Variants in AJAP1 observed in about 807,000 individuals in gnomAD.
AJAP1 encodes adherens junction-associated protein 1.
In AJAP1, 5 loss-of-function variants were observed where a neutral mutation model predicts 35.0. The observed-to-expected ratio is 0.14, with a 90% CI of 0.07 to 0.30. The LOEUF (loss-of-function observed/expected upper bound fraction) is 0.30. Among genes scored for constraint, AJAP1 ranks in the 10% least tolerant of loss-of-function variants. AJAP1 has a pLI of 1.00. For synonymous variants in AJAP1, 284 were observed against 249.3 expected, an observed-to-expected ratio of 1.14 and a Z score of -1.31; for missense variants, 586 against 571.0, an observed-to-expected ratio of 1.03 and a Z score of -0.27.
chr1:4,659,311 G>A (rs1638950371), intron 1 of AJAP1, among the ~76,000 whole-genome samples: 1 of 152,190 alleles, frequency 6.6e-6, no homozygotes, highest in African/African-American at 2.4e-5. Context: ...TTTTACATTT[G>A]AAGTCTGGCT....
At chr1:4,703,033 G>A (rs1254646261) in intron 1 of AJAP1, among the ~76,000 whole-genome samples, 1 of 152,172 alleles carries the variant, frequency 6.6e-6, no homozygotes, top group African/African-American at 2.4e-5. Context: ...CGTGAGTCAA[G>A]TATCGCATGC....
At chr1:4,741,343 G>A (rs1203346707) in intron 2 of AJAP1, among the ~76,000 whole-genome samples, 1 of 152,144 alleles carries the variant, frequency 6.6e-6, no homozygotes, top group Admixed American at 6.5e-5. Context: ...CCCTCTGGAG[G>A]TTCCAGGGGA....
chr1:4,774,107 C>T (rs1208308178), intron 4 of AJAP1, among the ~76,000 whole-genome samples: 1 of 152,254 alleles, frequency 6.6e-6, no homozygotes, highest in African/African-American at 2.4e-5. Context: ...AGACCCCAGG[C>T]TCTGGGCTAA....
chr1:4,781,321 A>T (rs1362560213), intron 5 of AJAP1, among the ~76,000 whole-genome samples: 2 of 152,158 alleles, frequency 1.3e-5, no homozygotes, highest in East Asian at 3.9e-4. Context: ...TGGACCCAGG[A>T]CTGGCAGTCA....
chr1:4,658,326 A>G (rs1027468709), intron 1 of AJAP1, among the ~76,000 whole-genome samples: 1 of 151,958 alleles, frequency 6.6e-6, no homozygotes, highest in Non-Finnish European at 1.5e-5. Context: ...GACATAATTC[A>G]CAGTTCCCCA....
At chr1:4,705,216 C>G (rs1312902776) in intron 1 of AJAP1, among the ~76,000 whole-genome samples, 13 of 151,926 alleles carry the variant, frequency 8.6e-5, no homozygotes, top group Non-Finnish European at 1.5e-5. Context: ...CCCTTCCTTA[C>G]ACCTTATACA....
chr1:4,772,344 A>G lies in AJAP1; in HGVS notation c.982A>G (p.Ser328Gly). 2.5e-6 allele frequency: 4 copies of G among 1,614,164 alleles called. No homozygotes were observed. The highest frequency in any genetic ancestry group is 3.4e-6 in the Non-Finnish European group (4 of 1,180,026). ...GCGGAAGACCAACCAGCAGGAGGAG[A>G]GCTGCCAGAACCTCACGGACTTCCC... ...HQRKTNQQEE[S>G]CQNLTDFPSA... The change falls in exon 4 of 6, where the codon AGC (serine) becomes GGC (glycine). Residue 328 changes from serine to glycine, a missense_variant. Ser to Gly is a moderately conservative substitution (Grantham distance 56). Transcript: ENST00000378191.
chr1:4,766,391 G>T (rs75900268), intron 2 of AJAP1, among the ~76,000 whole-genome samples: 96 of 152,316 alleles, frequency 6.3e-4, no homozygotes, highest in African/African-American at 2.3e-3. Context: ...AAATGATGGG[G>T]CGGATGCTGT....
chr1:4,767,843 T>C (rs1641723327), intron 2 of AJAP1, among the ~76,000 whole-genome samples: 1 of 151,494 alleles, frequency 6.6e-6, no homozygotes, highest in Non-Finnish European at 1.5e-5. Flanking sequence ...CCAGAGGGAG[T>C]GTGTGGGTAG....
At chr1:4,733,910 G>A (rs1158944682) in intron 2 of AJAP1, among the ~76,000 whole-genome samples, 1 of 152,136 alleles carries the variant, frequency 6.6e-6, no homozygotes, top group Non-Finnish European at 1.5e-5. Context: ...ATAATTCTAG[G>A]GCAAGATGCC....
intron 2 of AJAP1, among the ~76,000 whole-genome samples, chr1:4,749,994 T>G (rs1375566175): frequency 1.3e-5 from 2 of 151,982 alleles, no homozygotes; most frequent in Admixed American, 6.6e-5. Context: ...ATAGGTATTT[T>G]CATGTCCATG....
intron 1 of AJAP1, among the ~76,000 whole-genome samples, chr1:4,707,344 C>T (rs1444019758): frequency 6.6e-6 from 1 of 152,122 alleles, no homozygotes; most frequent in Non-Finnish European, 1.5e-5. Context: ...TTTGTATAGG[C>T]ATAGAGTTGT....
At chr1:4,754,588 A>AT (rs544911519) in intron 2 of AJAP1, among the ~76,000 whole-genome samples, 32 of 152,228 alleles carry the variant, frequency 2.1e-4, no homozygotes, top group Non-Finnish European at 4.4e-4. Flanking sequence ...TGAGAGGACA[A>AT]CATCTCACGT....
At chr1:4,755,868 C>G (rs1307029608) in intron 2 of AJAP1, among the ~76,000 whole-genome samples, 1 of 151,982 alleles carries the variant, frequency 6.6e-6, no homozygotes, top group Non-Finnish European at 1.5e-5. Context: ...AAGGGGGGTT[C>G]TGGCTGTTAA....
Position 4,656,379 on chromosome 1 carries a change from G to A in AJAP1, c.29+925G>A, listed in dbSNP as rs1023573047. Among the ~76,000 whole-genome samples the A allele has an allele frequency of 1.3e-5, 2 of 152,230 alleles. No individual in the cohort carries two copies. Among genetic ancestry groups the A allele is most frequent in the Admixed American group, 6.5e-5 (1 of 15,292 alleles). On this transcript the variant is annotated intron_variant, in intron 1 of 5. Transcript: ENST00000378191. The surrounding 1 kb of genome is among the most constrained non-coding windows in gnomAD (Gnocchi z 5.7). Reference sequence around the variant, plus strand: ...TCCTGCCGGGGCATTCACCGAGCTCGTGCATTTGGGTCCCGGGTTGGAACC... The same window carrying A: ...TCCTGCCGGGGCATTCACCGAGCTCATGCATTTGGGTCCCGGGTTGGAACC...
At position 4,655,420 on chromosome 1, in the gene AJAP1, G is replaced by A. The variant is rs1638856352; in HGVS notation, c.-6G>A. On this transcript the variant is annotated 5_prime_UTR_variant, in exon 1 of 6. It adds an upstream start codon to the 5' untranslated region. Transcript: ENST00000378191. This position sits in a 1 kb window ranked among gnomAD's most constrained non-coding sequence, Gnocchi z 6.9. Reference sequence around the variant, plus strand: ...GGTCTGAGGCCCCGCTCCCCGAAACGTGACCATGTGGATTCAACAGCTTTT... The same window carrying A: ...GGTCTGAGGCCCCGCTCCCCGAAACATGACCATGTGGATTCAACAGCTTTT... The A allele has an allele frequency of 6.4e-7, 1 of 1,564,604 alleles. No homozygotes were observed. The highest frequency in any genetic ancestry group is 8.7e-7 in the Non-Finnish European group (1 of 1,155,822).
chr1:4,768,077 G>A (rs897299339), intron 2 of AJAP1, among the ~76,000 whole-genome samples: 1 of 152,156 alleles, frequency 6.6e-6, no homozygotes, highest in Admixed American at 6.5e-5. Context: ...TCCCAGAGAA[G>A]GGACTTGCCC....
intron 1 of AJAP1, among the ~76,000 whole-genome samples, chr1:4,663,449 C>T (rs964550845): frequency 3.3e-5 from 5 of 152,186 alleles, no homozygotes; most frequent in Non-Finnish European, 5.9e-5. Flanking sequence ...GGGGATTGTT[C>T]GGCACCAACC....
rs1642108215 is a variant in AJAP1 at position 4,783,493 on chromosome 1, ATATAT to A, written c.*1009_*1013del. On this transcript the variant is annotated 3_prime_UTR_variant, in exon 6 of 6. Coordinates refer to ENST00000378191, the MANE Select transcript of AJAP1 (RefSeq NM_018836.4). ...TGTGTATATATATATATATATATAT[ATATAT>A]ATATATATATATGTTTGTGTGTGTA... is the stretch of plus-strand genomic sequence containing the variant. 1 of 135,940 alleles carries A rather than the reference ATATAT, an allele frequency of 7.4e-6. No homozygotes were observed. The highest frequency in any genetic ancestry group is 7.3e-5 in the Admixed American group (1 of 13,662). The allele number at this position is 135,940 out of a possible 1,614,324, so 8.4% of individuals were successfully genotyped here.
Sources: allele counts gnomAD v4.1 joint callset (sites outside exome capture counted in the v4.1 genomes callset), GRCh38; gene constraint gnomAD v4.1.1; non-coding constraint Gnocchi (gnomAD v3.1); transcripts MANE v1.5; gene names NCBI Gene and HGNC (gene_info 2026-07-23, HGNC 2026-07-21).